CRACDL: variants seen among roughly 807,000 people sequenced by gnomAD.
The protein encoded by CRACDL is CRACD like.
A neutral mutation model predicts 70.6 loss-of-function variants in CRACDL; 26 were observed. That is an observed-to-expected ratio of 0.37 (90% CI 0.27 to 0.51). The LOEUF (loss-of-function observed/expected upper bound fraction) is 0.51, where lower values mean the gene tolerates loss of function less well. Ranked by LOEUF, CRACDL falls within the 20% of genes least tolerant of loss-of-function variation. The pLI is 0.94. For missense variants in CRACDL, 1,283 were observed against 1,376.9 expected (o/e 0.93, Z 1.08); for synonymous variants, 618 against 615.2 (o/e 1.00, Z -0.07).
intron 7 of CRACDL, 136 bp downstream of exon 7, chr2:98,821,721 T>A: frequency 5.2e-6 from 6 of 1,151,794 alleles, no homozygotes; most frequent in Non-Finnish European, 7.2e-6. Context: ...ATGATGTTAG[T>A]GGGAATTCTG....
At chr2:98,907,422 G>A (rs970396203) in intron 1 of CRACDL, among the ~76,000 whole-genome samples, 4 of 152,264 alleles carry the variant, frequency 2.6e-5, no homozygotes, top group African/African-American at 4.8e-5. Flanking sequence ...GTTCTCTGCC[G>A]AGCCTCAAAG....
At chr2:98,831,972 C>A (rs1705562104) in intron 5 of CRACDL, among the ~76,000 whole-genome samples, 1 of 152,118 alleles carries the variant, frequency 6.6e-6, no homozygotes, top group East Asian at 1.9e-4. Context: ...CTCACTACTT[C>A]CCCCTCCCAC....
At chr2:98,888,828 T>C (rs1049570614) in intron 1 of CRACDL, among the ~76,000 whole-genome samples, 1 of 152,056 alleles carries the variant, frequency 6.6e-6, no homozygotes, top group Non-Finnish European at 1.5e-5. Context: ...AAAAAATATA[T>C]ACTATGAAAA....
chr2:98,890,398 TAA>T (rs1232900592), intron 1 of CRACDL, among the ~76,000 whole-genome samples: 4 of 152,238 alleles, frequency 2.6e-5, no homozygotes, highest in Non-Finnish European at 5.9e-5. Context: ...CTAGATAACC[TAA>T]ATGGTCAAAT....
At chr2:98,795,225 G>A (rs910855039) in intron 9 of CRACDL, among the ~76,000 whole-genome samples, 9 of 150,826 alleles carry the variant, frequency 6.0e-5, no homozygotes, top group Non-Finnish European at 1.3e-4. Flanking sequence ...ACAGACATGC[G>A]CCACCATGCC....
In CRACDL at chr2:98,936,012, G is replaced by C. The variant is rs1469499103; in HGVS notation, c.-85C>G. 1 of 152,086 alleles carries C rather than the reference G, an allele frequency of 6.6e-6. No individual in the cohort carries two copies. Among genetic ancestry groups the C allele is most frequent in the Non-Finnish European group, 1.5e-5 (1 of 67,988 alleles). 9.4% of individuals were successfully genotyped at this position (152,086 alleles called of 1,614,324 possible). ...CCTTCCGCGGGGTGCGGCGAGCCGGGGCTGCTCCCGCCGCGGTGCGCGTCT... is the reference window on the plus strand; with the variant it reads ...CCTTCCGCGGGGTGCGGCGAGCCGGCGCTGCTCCCGCCGCGGTGCGCGTCT... On this transcript the variant is annotated 5_prime_UTR_variant, in exon 1 of 10. Transcript: ENST00000397899.
intron 1 of CRACDL, among the ~76,000 whole-genome samples, chr2:98,912,317 T>G (rs531816386): frequency 4.0e-4 from 61 of 152,370 alleles, no homozygotes; most frequent in African/African-American, 1.4e-3. Flanking sequence ...TCTGCCTGCC[T>G]GGGTGTGCTG....
At chr2:98,884,720 G>A (rs1707757513) in intron 1 of CRACDL, among the ~76,000 whole-genome samples, 1 of 152,200 alleles carries the variant, frequency 6.6e-6, no homozygotes, top group African/African-American at 2.4e-5. Flanking sequence ...CTCCTGCTAT[G>A]TGAGAACACA....
chr2:98,858,258 C>CT (rs2104565567), intron 1 of CRACDL, among the ~76,000 whole-genome samples: 1 of 152,206 alleles, frequency 6.6e-6, no homozygotes, highest in East Asian at 1.9e-4. Context: ...AATCCCAACA[C>CT]TGTCTGTAAT....
chr2:98,836,260 C>T (rs1056496888), intron 3 of CRACDL, among the ~76,000 whole-genome samples: 2 of 152,268 alleles, frequency 1.3e-5, no homozygotes, highest in Non-Finnish European at 2.9e-5. Context: ...CACTAATGTG[C>T]CTTAGTAAAT....
intron 7 of CRACDL, among the ~76,000 whole-genome samples, chr2:98,816,073 A>G (rs1704773378): frequency 6.6e-6 from 1 of 152,278 alleles, no homozygotes. Flanking sequence ...GATCTGGGCT[A>G]GGAAAGTCCC....
At chr2:98,796,939 GCT>G (rs796757615) in intron 8 of CRACDL, among the ~76,000 whole-genome samples, 41 of 152,300 alleles carry the variant, frequency 2.7e-4, no homozygotes, top group African/African-American at 9.1e-4. Context: ...AAAGAGCAGG[GCT>G]CGCTCCTCAC....
intron 9 of CRACDL, among the ~76,000 whole-genome samples, chr2:98,795,077 A>ATATATATATATATATATATATATTT: frequency 1.7e-5 from 1 of 58,510 alleles, no homozygotes; most frequent in African/African-American, 6.6e-5. Flanking sequence ...ATATATATAT[A>ATATATATATATATATATATATATTT]TTTTTTTTTT....
At chr2:98,922,379 G>A (rs1229220576) in intron 1 of CRACDL, among the ~76,000 whole-genome samples, 3 of 149,118 alleles carry the variant, frequency 2.0e-5, no homozygotes, top group Admixed American at 6.7e-5. Flanking sequence ...GGCAGAGGTT[G>A]CAGTGATCCG....
At chr2:98,866,552 AT>A (rs1017892100) in intron 1 of CRACDL, among the ~76,000 whole-genome samples, 1 of 132,828 alleles carries the variant, frequency 7.5e-6, no homozygotes, top group Non-Finnish European at 1.5e-5. Context: ...CAATGGCATG[AT>A]CTTGGCTCAC....
chr2:98,822,102 T>C lies in CRACDL; in HGVS notation c.2171A>G (p.Lys724Arg). 1 of 1,570,170 alleles carries C rather than the reference T, an allele frequency of 6.4e-7. No individual in the cohort carries two copies. Among genetic ancestry groups the C allele is most frequent in the Non-Finnish European group, 8.6e-7 (1 of 1,157,496 alleles). ...CGTCCCGAGGGGACACTTCTCCTCC[T>C]TCGGGAGCACGGTCAGCGACCTTTC... is the stretch of plus-strand genomic sequence containing the variant. ...RLERSLTVLP[K>R]EEKCPLGTAP... Residue 724 changes from lysine (K) to arginine (R), a missense_variant, in exon 7 of 10, where the codon AAG (lysine) becomes AGG (arginine). Physicochemically the swap from Lys to Arg is conservative, Grantham distance 26. Coordinates refer to ENST00000397899, the MANE Select transcript of CRACDL (RefSeq NM_207362.3). The surrounding 1 kb of genome is among the most constrained non-coding windows in gnomAD (Gnocchi z 4.9).
rs1434995733 is a variant in CRACDL, at chr2:98,823,655, A to G, written c.736-118T>C. On this transcript the variant is annotated intron_variant, in intron 6 of 9. Transcript: ENST00000397899. The surrounding 1 kb of genome is among the most constrained non-coding windows in gnomAD (Gnocchi z 4.0). Reference sequence around the variant, plus strand: ...GTGATAGCAGCACTATAAAGCTGGCACTTAAGTAGGCATGTACCCACGGGT... The same window carrying G: ...GTGATAGCAGCACTATAAAGCTGGCGCTTAAGTAGGCATGTACCCACGGGT... 9 of 1,286,872 alleles carry G rather than the reference A, an allele frequency of 7.0e-6. No individual in the cohort carries two copies. Among genetic ancestry groups the G allele is most frequent in the Admixed American group, 4.2e-5 (2 of 47,918 alleles). The allele number at this position is 1,286,872 out of a possible 1,614,324, so 79.7% of individuals were successfully genotyped here.
chr2:98,796,287 C>G (rs767798500), intron 8 of CRACDL, 23 bp from the exon 9 acceptor site: 1 of 1,606,604 alleles, frequency 6.2e-7, no homozygotes, highest in Non-Finnish European at 8.5e-7. Flanking sequence ...AAGACACATG[C>G]TGCCAAGTTA....
chr2:98,906,487 C>T lies in CRACDL; in HGVS notation c.-11+29451G>A, dbSNP rs1283111678. Among the ~76,000 whole-genome samples, 6 of 152,260 alleles carry T rather than the reference C, an allele frequency of 3.9e-5. No individual in the cohort carries two copies. In the South Asian group the frequency reaches 1.0e-3, roughly 26 times the overall value. ...ATGTTGATCAGGCTGGTCTCAAACT[C>T]CTGACCTCAGGTGATCCGCCTGCCT... On this transcript the variant is annotated intron_variant, in intron 1 of 9. Coordinates refer to ENST00000397899, the MANE Select transcript of CRACDL (RefSeq NM_207362.3).
Sources: allele counts gnomAD v4.1 joint callset (sites outside exome capture counted in the v4.1 genomes callset), GRCh38; gene constraint gnomAD v4.1.1; non-coding constraint Gnocchi (gnomAD v3.1); transcripts MANE v1.5; gene names NCBI Gene and HGNC (gene_info 2026-07-23, HGNC 2026-07-21).